The following NAV2 variants were observed in gnomAD, a reference collection of about 807,000 sequenced individuals.
NAV2 encodes the protein helicase, APC down-regulated 1.
Under a neutral mutation model 223.2 loss-of-function variants are expected in NAV2, and 54 were observed. The ratio of observed to expected loss-of-function variants is 0.24; its 90% CI spans 0.19 to 0.30. The LOEUF (loss-of-function observed/expected upper bound fraction) is 0.30. NAV2 is among the 10% of genes least tolerant of loss of function. The pLI is 1.00. For missense variants in NAV2, 2,806 were observed against 3,147.5 expected (o/e 0.89, Z 2.60); for synonymous variants, 1,279 against 1,239.3 (o/e 1.03, Z -0.67).
At chr11:19,807,312 C>T (rs191516463) in intron 1 of NAV2, among the ~76,000 whole-genome samples, 1 of 152,162 alleles carries the variant, frequency 6.6e-6, no homozygotes, top group African/African-American at 2.4e-5. Flanking sequence ...TGAAAACAGC[C>T]GGCCTCCTCC....
At chr11:19,894,370 C>T (rs1282004976) in intron 6 of NAV2, among the ~76,000 whole-genome samples, 1 of 152,180 alleles carries the variant, frequency 6.6e-6, no homozygotes, top group East Asian at 1.9e-4. Context: ...GAAAAGCCTG[C>T]GCTGGGCCTC....
At chr11:19,573,513 G>C (rs960832936) in intron 1 of NAV2, among the ~76,000 whole-genome samples, 2 of 152,140 alleles carry the variant, frequency 1.3e-5, no homozygotes, top group Non-Finnish European at 2.9e-5. Context: ...GGCGGGTTCT[G>C]ATTTTAGAAT....
rs964749522 is a variant in NAV2, at chr11:19,998,618, T to C, written c.2768+14371T>C. The stretch of plus-strand genomic sequence containing the variant: ...CATCACGCTTTACCTCCCTGACTCC[T>C]GCCTTCATCCATTCCCCTGGACGTG... On this transcript the variant is annotated intron_variant, in intron 11 of 37. Coordinates refer to ENST00000349880, the MANE Select transcript of NAV2 (RefSeq NM_145117.5). This position sits in a 1 kb window ranked among gnomAD's most constrained non-coding sequence, Gnocchi z 5.0. Among the ~76,000 whole-genome samples the C allele has an allele frequency of 1.3e-5, 2 of 152,132 alleles. No homozygotes were observed. The highest frequency in any genetic ancestry group is 2.9e-5 in the Non-Finnish European group (2 of 68,022).
intron 2 of NAV2, among the ~76,000 whole-genome samples, chr11:19,838,172 G>A (rs1284053777): frequency 6.6e-6 from 1 of 152,112 alleles, no homozygotes; most frequent in Non-Finnish European, 1.5e-5. Flanking sequence ...TCTAAATGAA[G>A]GCCTATCAAA....
Position 20,100,882 on chromosome 11 carries a change from A to G in NAV2, c.6182-55A>G, listed in dbSNP as rs2061593500. On this transcript the variant is annotated intron_variant, in intron 31 of 37. Transcript: ENST00000349880. ...TTGGCAGTCCCAGTTAGGCAAGCACAGAGAGCTGCCTTTTCTACAGGGCTT... is the reference window on the plus strand; with the variant it reads ...TTGGCAGTCCCAGTTAGGCAAGCACGGAGAGCTGCCTTTTCTACAGGGCTT... The G allele has an allele frequency of 4.6e-6, 7 of 1,506,552 alleles. No individual in the cohort carries two copies. The Admixed American group carries it at 6.7e-5, about 14-fold the overall frequency. The allele number at this position is 1,506,552 out of a possible 1,614,324, so 93.3% of individuals were successfully genotyped here.
chr11:19,573,991 G>T (rs1455282642), intron 1 of NAV2, among the ~76,000 whole-genome samples: 1 of 152,208 alleles, frequency 6.6e-6, no homozygotes, highest in Admixed American at 6.5e-5. Flanking sequence ...CTGGGGCAGG[G>T]CTCCTTCCAG....
chr11:19,383,702 CA>C (rs1167248694), intron 1 of NAV2, among the ~76,000 whole-genome samples: 1 of 152,248 alleles, frequency 6.6e-6, no homozygotes, highest in African/African-American at 2.4e-5. Context: ...ATCAAGGTAA[CA>C]CTACCCTTGC....
At chr11:19,647,798 G>A (rs744855) in intron 1 of NAV2, among the ~76,000 whole-genome samples, 17,968 of 152,258 alleles carry the variant, frequency 0.12, 2,892 homozygotes, top group African/African-American at 0.36. Flanking sequence ...CAAGAGGGCA[G>A]AGGTTCTGGC....
chr11:20,097,048 C>A (rs1167850707), intron 30 of NAV2, among the ~76,000 whole-genome samples: 1 of 152,176 alleles, frequency 6.6e-6, no homozygotes, highest in African/African-American at 2.4e-5. Flanking sequence ...TAACCTAAAA[C>A]CTTTTGTTCA....
At chr11:19,863,874 C>T (rs1016102511) in intron 3 of NAV2, among the ~76,000 whole-genome samples, 1 of 152,194 alleles carries the variant, frequency 6.6e-6, no homozygotes, top group Non-Finnish European at 1.5e-5. Flanking sequence ...GCTTGACACC[C>T]AGTAGGTGCT....
chr11:19,521,577 C>T (rs1005317298), intron 1 of NAV2, among the ~76,000 whole-genome samples: 2 of 152,132 alleles, frequency 1.3e-5, no homozygotes, highest in Non-Finnish European at 2.9e-5. Flanking sequence ...CTATCTTATG[C>T]GTTAGTGGGG....
chr11:19,608,275 C>T (rs1163566302), intron 1 of NAV2, among the ~76,000 whole-genome samples: 1 of 152,228 alleles, frequency 6.6e-6, no homozygotes, highest in East Asian at 1.9e-4. Flanking sequence ...AGACCACTGC[C>T]TCCTTCCTAG....
At chr11:19,424,715 T>G (rs11025132) in intron 1 of NAV2, among the ~76,000 whole-genome samples, 11,274 of 151,606 alleles carry the variant, frequency 0.074, 604 homozygotes, top group Non-Finnish European at 0.11. Flanking sequence ...GTCTGGCTAT[T>G]TTTTTTTGTA....
chr11:19,425,383 T>G (rs980696421), intron 1 of NAV2, among the ~76,000 whole-genome samples: 3 of 152,222 alleles, frequency 2.0e-5, no homozygotes, highest in Non-Finnish European at 4.4e-5. Context: ...GCTCTTCCCT[T>G]CTTCATGAAT....
chr11:19,773,103 A>T (rs886941452), intron 1 of NAV2, among the ~76,000 whole-genome samples: 8 of 152,096 alleles, frequency 5.3e-5, no homozygotes, highest in Admixed American at 5.2e-4. Flanking sequence ...CCTGGCCTGA[A>T]CCCCTCTTCA....
chr11:19,611,092 T>C (rs1166316859), intron 1 of NAV2, among the ~76,000 whole-genome samples: 1 of 152,156 alleles, frequency 6.6e-6, no homozygotes, highest in African/African-American at 2.4e-5. Context: ...TGAAATGTGC[T>C]TCTTACATGG....
At chr11:19,892,356 A>G (rs1212475814) in intron 5 of NAV2, 78 bp from the exon 6 acceptor site, 2 of 1,399,534 alleles carry the variant, frequency 1.4e-6, no homozygotes, top group Non-Finnish European at 2.0e-6. Flanking sequence ...TGCCTCCTGC[A>G]TGGTTGCAGT....
chr11:19,790,398 A>AT (rs1231795516), intron 1 of NAV2, among the ~76,000 whole-genome samples: 1 of 152,154 alleles, frequency 6.6e-6, no homozygotes, highest in African/African-American at 2.4e-5. Flanking sequence ...AGCCCAGGGC[A>AT]TTTTTTGTTC....
rs2043900424 is a variant in NAV2 at position 19,528,046 on chromosome 11, G to A, written c.75+177019G>A. Reference sequence around the variant, plus strand: ...ATGGCAGTGGGGAAGTTTTCCCAGAGCTTTGTGAAATCAAGCCACGTTCCC... The same window carrying A: ...ATGGCAGTGGGGAAGTTTTCCCAGAACTTTGTGAAATCAAGCCACGTTCCC... On this transcript the variant is annotated intron_variant, in intron 1 of 37. Coordinates refer to the NAV2 transcript ENST00000360655. 2.6e-5 allele frequency among the ~76,000 whole-genome samples: 4 copies of A among 152,084 alleles called. No homozygotes were observed. In the South Asian group the frequency reaches 6.2e-4, roughly 24 times the overall value.
Sources: allele counts gnomAD v4.1 joint callset (sites outside exome capture counted in the v4.1 genomes callset), GRCh38; gene constraint gnomAD v4.1.1; non-coding constraint Gnocchi (gnomAD v3.1); transcripts MANE v1.5; gene names NCBI Gene and HGNC (gene_info 2026-07-23, HGNC 2026-07-21).